The following AKAP11 variants were observed in gnomAD, a reference collection of about 807,000 sequenced individuals.
AKAP11 encodes A-kinase anchor protein 11.
In AKAP11, 36 loss-of-function variants were observed where a neutral mutation model predicts 146.1. The observed-to-expected ratio is 0.25, with a 90% CI of 0.19 to 0.33. AKAP11 has a LOEUF of 0.33. Among genes scored for constraint, AKAP11 ranks in the 10% least tolerant of loss-of-function variants. The pLI is 1.00. For synonymous variants in AKAP11, 780 were observed against 786.5 expected (o/e 0.99, Z 0.14); for missense variants, 2,201 against 2,197.0 (o/e 1.00, Z -0.04).
chr13:42,315,975 G>C (rs1460978904), intron 11 of AKAP11, among the ~76,000 whole-genome samples: 3 of 152,166 alleles, frequency 2.0e-5, no homozygotes, highest in Non-Finnish European at 4.4e-5. Context: ...GCAACCAGGA[G>C]TCCTGAACTG....
In AKAP11 at chr13:42,299,829, G is replaced by A; in HGVS notation, c.1083G>A (p.Gln361=). ...EVSEFFDSFD[Q]FDELEQTLET... is the part of the protein sequence containing the mutation. ...GTGAATTTTTTGATAGTTTTGATCA[G>A]TTTGATGAACTAGAACAAACTTTAG... The change falls in exon 8 of 13, where the codon CAG becomes CAA. Residue 361 remains glutamine (Q), a synonymous_variant. Coordinates refer to ENST00000025301, the MANE Select transcript of AKAP11 (RefSeq NM_016248.4). 6.2e-7 allele frequency: 1 copy of A among 1,613,768 alleles called. No individual in the cohort carries two copies. The highest frequency in any genetic ancestry group is 8.5e-7 in the Non-Finnish European group (1 of 1,179,854).
At chr13:42,285,060 T>C (rs1167855751) in intron 1 of AKAP11, among the ~76,000 whole-genome samples, 1 of 152,244 alleles carries the variant, frequency 6.6e-6, no homozygotes, top group Non-Finnish European at 1.5e-5. Flanking sequence ...CAAAAGAATA[T>C]ACAATTTGAA....
chr13:42,288,067 A>G (rs1453625051), intron 3 of AKAP11, among the ~76,000 whole-genome samples: 1 of 152,226 alleles, frequency 6.6e-6, no homozygotes. Flanking sequence ...TACTGTTTAT[A>G]TAAACAGTTA....
intron 1 of AKAP11, among the ~76,000 whole-genome samples, chr13:42,279,741 G>T (rs1437697467): frequency 6.6e-6 from 1 of 151,832 alleles, no homozygotes; most frequent in Non-Finnish European, 1.5e-5. Context: ...TTGCATGCTT[G>T]GTAATTTTTA....
Position 42,292,496 on chromosome 13 carries a change from A to C in AKAP11, c.163A>C (p.Thr55Pro). 1 of 1,561,848 alleles carries C rather than the reference A, an allele frequency of 6.4e-7. No homozygotes were observed. Among genetic ancestry groups the C allele is most frequent in the Non-Finnish European group, 8.7e-7 (1 of 1,142,978 alleles). Residue 55 changes from threonine to proline, a missense_variant, in exon 4 of 13, where the codon ACT becomes CCT. Transcript: ENST00000025301. The stretch of plus-strand genomic sequence containing the variant: ...ACAGCAGGATGAGCATGCCAATTTA[A>C]CTGAGGTTTAACATACTACTTTCTA... Reference protein sequence around the residue: ...CLQQDEHANLTEVTFLGFNEE... With the variant: ...CLQQDEHANLPEVTFLGFNEE...
intron 1 of AKAP11, among the ~76,000 whole-genome samples, chr13:42,273,021 A>T (rs1325845447): frequency 1.3e-5 from 2 of 152,038 alleles, no homozygotes; most frequent in African/African-American, 4.8e-5. Flanking sequence ...ATAAAGTTGG[A>T]TGTGGTTTAG....
intron 11 of AKAP11, among the ~76,000 whole-genome samples, chr13:42,315,036 G>A (rs1441129714): frequency 1.3e-5 from 2 of 152,050 alleles, no homozygotes; most frequent in South Asian, 2.1e-4. Flanking sequence ...TCTATAAAGT[G>A]CACTTATAAA....
At chr13:42,275,263 CTT>C (rs1194468504) in intron 1 of AKAP11, among the ~76,000 whole-genome samples, 1 of 152,222 alleles carries the variant, frequency 6.6e-6, no homozygotes, top group Non-Finnish European at 1.5e-5. Flanking sequence ...TTCCCCAAAA[CTT>C]TGATTTGCAT....
rs758182311 is a variant in AKAP11 at position 42,303,619 on chromosome 13, A to G, written c.4873A>G (p.Ser1625Gly). Residue 1625 changes from serine to glycine, a missense_variant, in exon 8 of 13, where the codon AGC becomes GGC. This residue lies in a region of AKAP11 where 1,867 missense variants were observed against 1,833.5 expected (regional missense o/e 1.02). Transcript: ENST00000025301. ...GCCAGCTTCTAATCCAAAATTTAGC[A>G]GCCGCTATCAGAAATCTAGGATTTT... ...SKPASNPKFSSRYQKSRIFHL... is the reference protein window; with the variant it reads ...SKPASNPKFSGRYQKSRIFHL... 1 of 1,614,208 alleles carries G rather than the reference A, an allele frequency of 6.2e-7. No individual in the cohort carries two copies. The highest frequency in any genetic ancestry group is 1.1e-5 in the South Asian group (1 of 91,084).
chr13:42,317,173 C>A (rs1960862621), intron 11 of AKAP11, among the ~76,000 whole-genome samples: 1 of 152,174 alleles, frequency 6.6e-6, no homozygotes, highest in South Asian at 2.1e-4. Flanking sequence ...CCACCATGCC[C>A]AGCCTCATTT....
In AKAP11 at chr13:42,321,030, C is replaced by T. The variant is rs1014659; in HGVS notation, c.*1802C>T. ...CAGGAATTGTATAACCAGAATTGTT[C>T]CTGCCTTTAGCTTTTCAGAACTTGA... is the stretch of plus-strand genomic sequence containing the variant. On this transcript the variant is annotated 3_prime_UTR_variant, in exon 13 of 13. Transcript: ENST00000025301. The T allele has an allele frequency of 0.68, 102,715 of 152,128 alleles. 34,855 individuals are homozygous for T. Among genetic ancestry groups the T allele is most frequent in the East Asian group, 0.79 (4,195 of 5,316 alleles). 9.4% of individuals were successfully genotyped at this position (152,128 alleles called of 1,614,324 possible).
At position 42,302,934 on chromosome 13, in the gene AKAP11, C is replaced by G. The variant is rs768222002; in HGVS notation, c.4188C>G (p.Phe1396Leu). ...TTKVQCNSRM[F>L]PVPSSQVKTN... ...AAGTGCAGTGCAACTCAAGAATGTTCCCTGTGCCAAGTTCACAAGTGAAAA... is the reference window on the plus strand; with the variant it reads ...AAGTGCAGTGCAACTCAAGAATGTTGCCTGTGCCAAGTTCACAAGTGAAAA... The change falls in exon 8 of 13, where the codon TTC becomes TTG. Residue 1396 changes from phenylalanine to leucine, a missense_variant. Phe to Leu is a conservative substitution (Grantham distance 22, BLOSUM62 0). Coordinates refer to ENST00000025301, the MANE Select transcript of AKAP11 (RefSeq NM_016248.4). 2.5e-6 allele frequency: 4 copies of G among 1,613,686 alleles called. No homozygotes were observed. The Admixed American group carries it at 6.7e-5, about 27-fold the overall frequency.
At position 42,300,235 on chromosome 13, in the gene AKAP11, T is replaced by C; in HGVS notation, c.1489T>C (p.Cys497Arg). The C allele has an allele frequency of 6.2e-7, 1 of 1,614,000 alleles. No homozygotes were observed. The highest frequency in any genetic ancestry group is 8.5e-7 in the Non-Finnish European group (1 of 1,179,894). The change falls in exon 8 of 13, where the codon TGT becomes CGT. Residue 497 changes from cysteine to arginine, a missense_variant. By Grantham distance (180) the Cys-to-Arg change is radical (BLOSUM62 -3). Transcript: ENST00000025301. ...TYEDYAKSISCEVLGSVLRTH... is the reference protein window; with the variant it reads ...TYEDYAKSISREVLGSVLRTH... ...TGAAGACTATGCAAAAAGCATTTCA[T>C]GTGAAGTACTAGGCTCAGTTCTTCG...
At chr13:42,317,714 A>G (rs1216796617) in intron 12 of AKAP11, 26 bp downstream of exon 12, 2 of 1,605,262 alleles carry the variant, frequency 1.2e-6, no homozygotes, top group Non-Finnish European at 1.7e-6. Context: ...ACAGAGTGTG[A>G]GGATACATTT....
At chr13:42,294,264 C>G (rs867069904) in intron 4 of AKAP11, among the ~76,000 whole-genome samples, 11 of 152,030 alleles carry the variant, frequency 7.2e-5, no homozygotes, top group Admixed American at 6.6e-5. Flanking sequence ...ATTTTTTAGC[C>G]ACAGTGGTTG....
chr13:42,302,331 G>C lies in AKAP11; in HGVS notation c.3585G>C (p.Lys1195Asn). ...VDVKSEHSGK[K>N]VQFAEALATH... is the part of the protein sequence containing the mutation. ...TGAAGTCGGAGCACTCAGGGAAGAA[G>C]GTTCAGTTTGCAGAAGCATTAGCTA... The change falls in exon 8 of 13, where the codon AAG becomes AAC. Residue 1195 changes from lysine to asparagine, a missense_variant. This residue lies in a region of AKAP11 where 1,867 missense variants were observed against 1,833.5 expected (regional missense o/e 1.02). Coordinates refer to ENST00000025301, the MANE Select transcript of AKAP11 (RefSeq NM_016248.4). The C allele has an allele frequency of 6.2e-7, 1 of 1,614,198 alleles. No homozygotes were observed. The highest frequency in any genetic ancestry group is 1.1e-5 in the South Asian group (1 of 91,072).
intron 1 of AKAP11, among the ~76,000 whole-genome samples, chr13:42,275,098 G>T (rs1958882691): frequency 6.6e-6 from 1 of 152,230 alleles, no homozygotes; most frequent in Non-Finnish European, 1.5e-5. Context: ...TCCATTGCAT[G>T]ATTCCAATTC....
intron 1 of AKAP11, among the ~76,000 whole-genome samples, chr13:42,284,966 C>A (rs910952107): frequency 5.3e-5 from 8 of 152,304 alleles, no homozygotes; most frequent in African/African-American, 1.4e-4. Flanking sequence ...TACAATCATA[C>A]TTCTTTGTCT....
At chr13:42,274,259 A>G (rs1958856175) in intron 1 of AKAP11, among the ~76,000 whole-genome samples, 1 of 152,178 alleles carries the variant, frequency 6.6e-6, no homozygotes, top group African/African-American at 2.4e-5. Flanking sequence ...AAGCCTGGGC[A>G]TGAGTTAAGG....
Sources: gnomAD v4.1 joint callset for allele counts (sites outside exome capture counted in the v4.1 genomes callset) on GRCh38, gnomAD v4.1.1 for gene constraint, gnomAD v4.1.1 regional missense constraint, MANE v1.5 for transcripts, NCBI Gene and HGNC (gene_info 2026-07-23, HGNC 2026-07-21) for gene names.